CCN4: variants seen among roughly 807,000 people sequenced by gnomAD.
The protein encoded by CCN4 is CCN family member 4.
A neutral mutation model predicts 36.7 loss-of-function variants in CCN4; 30 were observed. The observed-to-expected ratio is 0.82, with a 90% CI of 0.61 to 1.11. The LOEUF (loss-of-function observed/expected upper bound fraction) is 1.11, where lower values mean the gene tolerates loss of function less well. Ranked by LOEUF, CCN4 falls within the 50% of genes least tolerant of loss-of-function variation. The pLI is 0.00. For synonymous variants in CCN4, 191 were observed against 195.4 expected (o/e 0.98, Z 0.19); for missense variants, 505 against 504.9 (o/e 1.00, Z 0.00).
At chr8:133,217,936 C>CCACACACACACACACACACACACACA (rs58105917) in intron 2 of CCN4, among the ~76,000 whole-genome samples, 222 of 144,512 alleles carry the variant, frequency 1.5e-3, no homozygotes, top group East Asian at 4.3e-3. Context: ...ACTCCCTTCT[C>CCACACACACACACACACACACACACA]CACACACACA....
At position 133,229,824 on chromosome 8, in the gene CCN4, A is replaced by G. The variant is rs1365048631; in HGVS notation, c.*2114A>G. 1 of 152,264 alleles carries G rather than the reference A, an allele frequency of 6.6e-6. No individual in the cohort carries two copies. Among genetic ancestry groups the G allele is most frequent in the Admixed American group, 6.5e-5 (1 of 15,292 alleles). 9.4% of individuals were successfully genotyped at this position (152,264 alleles called of 1,614,324 possible). On this transcript the variant is annotated 3_prime_UTR_variant, in exon 5 of 5. Transcript: ENST00000250160. ...AAGAGACATTTAATATTTCAAAGAA[A>G]TGCATATGTATGTATACATATATTT...
intron 4 of CCN4, 84 bp from the exon 5 acceptor site, chr8:133,227,327 A>C: frequency 7.0e-7 from 1 of 1,432,828 alleles, no homozygotes; most frequent in South Asian, 1.4e-5. Flanking sequence ...CATAGTGAGA[A>C]GGGAAAAACT....
At chr8:133,225,273 CA>C (rs1237425633) in intron 3 of CCN4, 116 bp from the exon 4 acceptor site, 2 of 1,118,594 alleles carry the variant, frequency 1.8e-6, no homozygotes, top group Non-Finnish European at 2.5e-6. Flanking sequence ...TGGGGAGGTA[CA>C]GCCAATTTCT....
chr8:133,201,613 G>T (rs1321833571), intron 1 of CCN4, among the ~76,000 whole-genome samples: 2 of 152,104 alleles, frequency 1.3e-5, no homozygotes, highest in Admixed American at 1.3e-4. Context: ...AGGCTGAAGT[G>T]GGTGGATCAC....
chr8:133,230,900 C>T lies in CCN4; in HGVS notation c.*3190C>T, dbSNP rs1183717677. On this transcript the variant is annotated 3_prime_UTR_variant, in exon 5 of 5. Coordinates refer to ENST00000250160, the MANE Select transcript of CCN4 (RefSeq NM_003882.4). ...GAATATGGCATTATCATCTGAGTCT[C>T]ACAGAAGTTTAGTCGTGTACTCAAG... 6.6e-6 allele frequency: 1 copy of T among 152,160 alleles called. No homozygotes were observed. Among genetic ancestry groups the T allele is most frequent in the Non-Finnish European group, 1.5e-5 (1 of 68,032 alleles). 9.4% of individuals were successfully genotyped at this position (152,160 alleles called of 1,614,324 possible).
In CCN4 at chr8:133,225,442, C is replaced by T. The variant is rs765978788; in HGVS notation, c.663C>T (p.Ser221=). The T allele has an allele frequency of 1.2e-6, 2 of 1,613,874 alleles. No individual in the cohort carries two copies. The highest frequency in any genetic ancestry group is 2.2e-5 in the East Asian group (1 of 44,882). Residue 221 remains serine, a synonymous_variant, in exon 4 of 5, where the codon AGC becomes AGT. Transcript: ENST00000250160. ...AWHRNCIAYT[S]PWSPCSTSCG... ...ACAGGAACTGCATAGCCTACACAAG[C>T]CCCTGGAGCCCTTGCTCCACCAGCT...
intron 1 of CCN4, among the ~76,000 whole-genome samples, chr8:133,199,919 T>C (rs78579740): frequency 1.1e-3 from 170 of 152,272 alleles, no homozygotes; most frequent in East Asian, 9.3e-3. Context: ...CAGGAGCTCC[T>C]ATCAGCCTCA....
chr8:133,202,339 T>C (rs1223739533), intron 1 of CCN4, among the ~76,000 whole-genome samples: 3 of 152,224 alleles, frequency 2.0e-5, no homozygotes, highest in Non-Finnish European at 4.4e-5. Flanking sequence ...ACCTTTATAA[T>C]GCGGTTGCCT....
At chr8:133,207,460 G>A (rs1312671098) in intron 1 of CCN4, among the ~76,000 whole-genome samples, 6 of 152,240 alleles carry the variant, frequency 3.9e-5, no homozygotes, top group Non-Finnish European at 8.8e-5. Flanking sequence ...ATGGGAGCAT[G>A]TCCCCAAAAT....
chr8:133,207,029 G>A (rs1222609868), intron 1 of CCN4, among the ~76,000 whole-genome samples: 1 of 152,174 alleles, frequency 6.6e-6, no homozygotes, highest in Non-Finnish European at 1.5e-5. Flanking sequence ...AGGGAGAGGT[G>A]GAGAGTGTAA....
chr8:133,202,001 G>A (rs1853605442), intron 1 of CCN4, among the ~76,000 whole-genome samples: 1 of 152,164 alleles, frequency 6.6e-6, no homozygotes, highest in Non-Finnish European at 1.5e-5. Context: ...ATTTAAATAT[G>A]TCTCTAGCAA....
At chr8:133,227,089 A>G (rs1854763826) in intron 4 of CCN4, among the ~76,000 whole-genome samples, 2 of 152,214 alleles carry the variant, frequency 1.3e-5, no homozygotes, top group East Asian at 3.8e-4. Flanking sequence ...TGAAGGAGCT[A>G]CATAGGCTCC....
At chr8:133,213,716 T>A (rs1355443252) in intron 2 of CCN4, among the ~76,000 whole-genome samples, 1 of 147,418 alleles carries the variant, frequency 6.8e-6, no homozygotes. Flanking sequence ...TTCTATATAG[T>A]ATAGAAATAT....
chr8:133,224,226 G>T lies in CCN4; in HGVS notation c.611-1164G>T, dbSNP rs1588206086. On this transcript the variant is annotated intron_variant, in intron 3 of 4. Transcript: ENST00000250160. Reference sequence around the variant, plus strand: ...GGTGATTTGAATTTGAAGCCCGTAAGTCCTTTTTTTTTTTTTTTTTTTTTT... The same window carrying T: ...GGTGATTTGAATTTGAAGCCCGTAATTCCTTTTTTTTTTTTTTTTTTTTTT... 2.5e-5 allele frequency among the ~76,000 whole-genome samples: 2 copies of T among 79,572 alleles called. 1 individual carries two copies. The allele number at this position is 79,572 out of a possible 152,430, so 52.2% of individuals were successfully genotyped here.
intron 1 of CCN4, among the ~76,000 whole-genome samples, chr8:133,208,333 C>T (rs534425441): frequency 7.9e-5 from 12 of 152,208 alleles, no homozygotes; most frequent in Admixed American, 2.6e-4. Context: ...GTAGCAATGC[C>T]GTTTTACAGA....
At chr8:133,216,004 C>CACAA in intron 2 of CCN4, among the ~76,000 whole-genome samples, 1 of 152,208 alleles carries the variant, frequency 6.6e-6, no homozygotes, top group Admixed American at 6.5e-5. Context: ...CACACACACA[C>CACAA]ACAAACACAC....
At chr8:133,212,835 C>A in intron 1 of CCN4, 29 bp from the exon 2 acceptor site, 1 of 1,498,784 alleles carries the variant, frequency 6.7e-7, no homozygotes, top group East Asian at 2.4e-5. Context: ...TCTCAGCAGC[C>A]CCCCTTTCCC....
intron 1 of CCN4, among the ~76,000 whole-genome samples, chr8:133,191,784 G>A (rs1853121756): frequency 6.6e-6 from 1 of 152,328 alleles, no homozygotes. Flanking sequence ...CCCAACTGCT[G>A]TCACCTCCGG....
At chr8:133,211,542 G>T (rs1291282026) in intron 1 of CCN4, among the ~76,000 whole-genome samples, 3 of 152,158 alleles carry the variant, frequency 2.0e-5, no homozygotes, top group Non-Finnish European at 4.4e-5. Context: ...TTCCTCCCCT[G>T]TAAAGGAGGA....
Sources: gnomAD v4.1 joint callset for allele counts (sites outside exome capture counted in the v4.1 genomes callset) on GRCh38, gnomAD v4.1.1 for gene constraint, MANE v1.5 for transcripts, NCBI Gene and HGNC (gene_info 2026-07-23, HGNC 2026-07-21) for gene names.